The following ACVR1B variants were observed in gnomAD, a reference collection of about 807,000 sequenced individuals.
The protein encoded by ACVR1B is activin receptor type-1B.
ACVR1B carries 15 observed loss-of-function variants against 55.6 expected under a neutral mutation model. The ratio of observed to expected loss-of-function variants is 0.27; its 90% CI spans 0.18 to 0.42. ACVR1B has a LOEUF of 0.42. Ranked by LOEUF, ACVR1B falls within the 10% of genes least tolerant of loss-of-function variation. The pLI is 1.00. For synonymous variants in ACVR1B, 247 were observed against 254.6 expected (o/e 0.97, Z 0.28); for missense variants, 359 against 670.1 (o/e 0.54, Z 5.13).
In ACVR1B at chr12:51,994,782, T is replaced by G. The variant is rs1205976273; in HGVS notation, c.*672T>G. The G allele has an allele frequency of 6.5e-6, 1 of 153,202 alleles. No homozygotes were observed. 9.5% of individuals were successfully genotyped at this position (153,202 alleles called of 1,614,324 possible). On this transcript the variant is annotated 3_prime_UTR_variant, in exon 9 of 9. Coordinates refer to ENST00000257963, the MANE Select transcript of ACVR1B (RefSeq NM_004302.5). This position sits in a 1 kb window ranked among gnomAD's most constrained non-coding sequence, Gnocchi z 4.2. ...TACCTGCTTGAGCTTTCTGTGCATG[T>G]GCAGGTCGGGGGTGTGGTCGTCATG...
chr12:51,993,765 TAAAAAAAAAAAAAAAAAAAAAAAAA>T lies in ACVR1B; in HGVS notation c.1393-205_1393-181del, dbSNP rs869161100. ...CTGGGTGACAGAGTGAGACTCCTTCTAAAAAAAAAAAAAAAAAAAAAAAAAAAAAAAAAAAAAAAGGAAGAGCCAG... is the reference window on the plus strand; with the variant it reads ...CTGGGTGACAGAGTGAGACTCCTTCTAAAAAAAAAAAAAAGGAAGAGCCAG... On this transcript the variant is annotated intron_variant, in intron 8 of 8. Transcript: ENST00000257963. 4.8e-3 allele frequency among the ~76,000 whole-genome samples: 144 copies of T among 29,770 alleles called. No individual in the cohort carries two copies. The South Asian group carries it at 0.072, about 15-fold the overall frequency. 19.5% of individuals were successfully genotyped at this position (29,770 alleles called of 152,430 possible).
In ACVR1B at chr12:51,991,990, T is replaced by C. The variant is rs777137436; in HGVS notation, c.1389T>C (p.Tyr463=). The change falls in exon 8 of 9, where the codon TAT becomes TAC. Residue 463 remains tyrosine, a synonymous_variant. Coordinates refer to ENST00000257963, the MANE Select transcript of ACVR1B (RefSeq NM_004302.5). ...RPNIPNWWQS[Y]EALRVMGKMM... is the part of the protein sequence containing the mutation. ...ACATCCCCAACTGGTGGCAGAGTTA[T>C]GAGGTAAGAAGCTGGCCTCCTGCGG... 12 of 1,614,244 alleles carry C rather than the reference T, an allele frequency of 7.4e-6. No individual in the cohort carries two copies. The highest frequency in any genetic ancestry group is 3.3e-5 in the South Asian group (3 of 91,086).
chr12:51,976,892 T>G (rs141242739), intron 3 of ACVR1B, among the ~76,000 whole-genome samples: 1 of 152,298 alleles, frequency 6.6e-6, no homozygotes, highest in Non-Finnish European at 1.5e-5. Context: ...AGTGGAGTGC[T>G]CAATTTCAGG....
chr12:51,974,950 G>A (rs1351980810), intron 1 of ACVR1B, among the ~76,000 whole-genome samples: 1 of 152,098 alleles, frequency 6.6e-6, no homozygotes, highest in Non-Finnish European at 1.5e-5. Flanking sequence ...TGAAGTGGGG[G>A]GCAGCCCCAC....
Position 51,994,644 on chromosome 12 carries a change from TTGTC to T in ACVR1B, c.*539_*542del, listed in dbSNP as rs995598009. 1.9e-5 allele frequency: 3 copies of T among 156,250 alleles called. No individual in the cohort carries two copies. Among genetic ancestry groups the T allele is most frequent in the African/African-American group, 4.8e-5 (2 of 41,492 alleles). 9.7% of individuals were successfully genotyped at this position (156,250 alleles called of 1,614,324 possible). On this transcript the variant is annotated 3_prime_UTR_variant, in exon 9 of 9. Transcript: ENST00000257963. The surrounding 1 kb of genome is among the most constrained non-coding windows in gnomAD (Gnocchi z 4.2). Reference sequence around the variant, plus strand: ...GCCAGTGGAGACGGAATCTGCCGCTTTGTCTGTCCAGCCGTGTGTGCATGTGCCG... The same window carrying T: ...GCCAGTGGAGACGGAATCTGCCGCTTTGTCCAGCCGTGTGTGCATGTGCCG...
At chr12:51,956,864 A>G (rs536015163) in intron 1 of ACVR1B, among the ~76,000 whole-genome samples, 5 of 152,130 alleles carry the variant, frequency 3.3e-5, no homozygotes, top group Non-Finnish European at 5.9e-5. Flanking sequence ...GGCTCAAGCA[A>G]TCCTCCCACC....
intron 7 of ACVR1B, among the ~76,000 whole-genome samples, chr12:51,991,089 A>G (rs535087022): frequency 6.6e-6 from 1 of 152,218 alleles, no homozygotes; most frequent in African/African-American, 2.4e-5. Context: ...TTTGGTTCCC[A>G]TGATATATAG....
intron 7 of ACVR1B, 94 bp from the exon 8 acceptor site, chr12:51,991,769 G>A (rs1942196568): frequency 7.5e-7 from 1 of 1,338,296 alleles, no homozygotes; most frequent in African/African-American, 1.5e-5. Flanking sequence ...GGGGGTAGTG[G>A]TATTTACAGA....
At position 51,976,387 on chromosome 12, in the gene ACVR1B, T is replaced by C. The variant is rs1941856329; in HGVS notation, c.392T>C (p.Ile131Thr). The change falls in exon 3 of 9, where the codon ATC becomes ACC. Residue 131 changes from isoleucine (I) to threonine (T), a missense_variant. Physicochemically the swap from Ile to Thr is moderately conservative, Grantham distance 89. Coordinates refer to ENST00000257963, the MANE Select transcript of ACVR1B (RefSeq NM_004302.5). ...GGCCCGGTGGAGCTGGTAGGCATCA[T>C]CGCCGGCCCGGTGTTCCTCCTGTTC... is the stretch of plus-strand genomic sequence containing the variant. ...MWGPVELVGIIAGPVFLLFLI... is the reference protein window; with the variant it reads ...MWGPVELVGITAGPVFLLFLI... 6.2e-7 allele frequency: 1 copy of C among 1,614,146 alleles called. No homozygotes were observed. The highest frequency in any genetic ancestry group is 8.5e-7 in the Non-Finnish European group (1 of 1,180,030).
chr12:51,971,125 CTT>C lies in ACVR1B; in HGVS notation c.92-4137_92-4136del, dbSNP rs1941739894. On this transcript the variant is annotated intron_variant, in intron 1 of 8. Transcript: ENST00000257963. ...GCCATGGTGTCACTGAGTGGCCTGT[CTT>C]TTCTGAGTTCCAGCTGTGTTAGGCG... Among the ~76,000 whole-genome samples, 3 of 152,172 alleles carry C rather than the reference CTT, an allele frequency of 2.0e-5. No individual in the cohort carries two copies. The South Asian group carries it at 6.2e-4, about 32-fold the overall frequency.
intron 1 of ACVR1B, among the ~76,000 whole-genome samples, chr12:51,958,361 A>AT (rs2120442586): frequency 1.3e-5 from 2 of 152,238 alleles, no homozygotes; most frequent in South Asian, 4.1e-4. Flanking sequence ...GGGAGATATG[A>AT]TTTTGGGATG....
intron 6 of ACVR1B, among the ~76,000 whole-genome samples, chr12:51,985,655 G>A (rs145798253): frequency 4.6e-5 from 7 of 152,336 alleles, no homozygotes; most frequent in Non-Finnish European, 1.0e-4. Context: ...GGCAACAGGT[G>A]TGGCTCGGGA....
rs565481021 is a variant in ACVR1B at position 51,958,737 on chromosome 12, G to A, written c.91+6903G>A. 2.0e-4 allele frequency among the ~76,000 whole-genome samples: 30 copies of A among 152,282 alleles called. No homozygotes were observed. In the South Asian group the frequency reaches 4.1e-3, roughly 21 times the overall value. ...TGCAAGCTAGATGCCTCGCATGCGC[G>A]GTTCACCGTAGGTTTCCCACTCCTA... On this transcript the variant is annotated intron_variant, in intron 1 of 8. Coordinates refer to ENST00000257963, the MANE Select transcript of ACVR1B (RefSeq NM_004302.5).
chr12:51,967,514 G>A (rs1358422713), intron 1 of ACVR1B, among the ~76,000 whole-genome samples: 2 of 152,174 alleles, frequency 1.3e-5, no homozygotes, highest in African/African-American at 4.8e-5. Context: ...AGCCGAAATC[G>A]TGCCATTGTA....
rs749000887 is a variant in ACVR1B, at chr12:51,984,045, G to A, written c.858G>A (p.Glu286=). 2 of 1,614,080 alleles carry A rather than the reference G, an allele frequency of 1.2e-6. No homozygotes were observed. The highest frequency in any genetic ancestry group is 1.3e-5 in the African/African-American group (1 of 74,928). ...TQLWLVSDYH[E]HGSLFDYLNR... The stretch of plus-strand genomic sequence containing the variant: ...TGTGGCTTGTTTCTGACTATCATGA[G>A]CACGGGTCCCTGTTTGATTATCTGA... Residue 286 remains glutamate, a synonymous_variant, in exon 5 of 9, where the codon GAG becomes GAA. Coordinates refer to ENST00000257963, the MANE Select transcript of ACVR1B (RefSeq NM_004302.5).
At chr12:51,980,497 C>T (rs1357036882) in intron 3 of ACVR1B, among the ~76,000 whole-genome samples, 1 of 152,190 alleles carries the variant, frequency 6.6e-6, no homozygotes, top group Admixed American at 6.5e-5. Context: ...AACCCATGGG[C>T]CGCACAGCAC....
At chr12:51,953,986 G>C (rs1163590197) in intron 1 of ACVR1B, among the ~76,000 whole-genome samples, 2 of 152,186 alleles carry the variant, frequency 1.3e-5, no homozygotes, top group Non-Finnish European at 2.9e-5. Context: ...TTTTTTCCAG[G>C]ACACGTCTAG....
At chr12:51,970,941 CAA>C (rs1260377829) in intron 1 of ACVR1B, among the ~76,000 whole-genome samples, 1 of 152,172 alleles carries the variant, frequency 6.6e-6, no homozygotes, top group Non-Finnish European at 1.5e-5. Flanking sequence ...TCTGTTAGGA[CAA>C]ACTTAGACGT....
intron 7 of ACVR1B, among the ~76,000 whole-genome samples, chr12:51,989,505 G>A (rs1029070366): frequency 2.0e-5 from 3 of 151,872 alleles, no homozygotes; most frequent in Non-Finnish European, 2.9e-5. Flanking sequence ...GGCTGGTCTC[G>A]AACTCCTGAC....
Sources: allele counts gnomAD v4.1 joint callset (sites outside exome capture counted in the v4.1 genomes callset), GRCh38; gene constraint gnomAD v4.1.1; non-coding constraint Gnocchi (gnomAD v3.1); transcripts MANE v1.5; gene names NCBI Gene and HGNC (gene_info 2026-07-23, HGNC 2026-07-21).